APBB2: variants seen among roughly 807,000 people sequenced by gnomAD.
APBB2 encodes amyloid beta precursor protein binding family B member 2, also known as Fe65-like 1.
APBB2 carries 38 observed loss-of-function variants against 82.5 expected under a neutral mutation model. The observed-to-expected ratio is 0.46, with a 90% CI of 0.36 to 0.60. The LOEUF (loss-of-function observed/expected upper bound fraction) is 0.60, where lower values mean the gene tolerates loss of function less well. Ranked by LOEUF, APBB2 falls within the 20% of genes least tolerant of loss-of-function variation. The pLI is 0.00. For synonymous variants in APBB2, 341 were observed against 368.2 expected (o/e 0.93, Z 0.85); for missense variants, 772 against 972.3 (o/e 0.79, Z 2.74).
chr4:41,213,712 G>A, intron 1 of APBB2, among the ~76,000 whole-genome samples: 1 of 152,158 alleles, frequency 6.6e-6, no homozygotes, highest in Admixed American at 6.5e-5. Flanking sequence ...GGCAGCGCAG[G>A]GGCTTTCGGG....
chr4:41,014,436 T>G (rs371111882), intron 5 of APBB2, 38 bp from the exon 6 acceptor site: 2 of 1,558,388 alleles, frequency 1.3e-6, no homozygotes, highest in African/African-American at 2.7e-5. Context: ...CTGCCATGAT[T>G]AAACTACTTA....
chr4:41,132,937 A>C (rs187881822), intron 2 of APBB2, among the ~76,000 whole-genome samples: 26 of 152,346 alleles, frequency 1.7e-4, no homozygotes, highest in Admixed American at 3.3e-4. Flanking sequence ...TTTAAAGGAA[A>C]GAAAAATAAG....
At chr4:40,875,006 T>C (rs577827656) in intron 12 of APBB2, among the ~76,000 whole-genome samples, 2 of 152,308 alleles carry the variant, frequency 1.3e-5, no homozygotes, top group South Asian at 4.1e-4. Context: ...AGCTGTTGTG[T>C]GACATTTTTG....
At chr4:41,091,107 C>T (rs1741531997) in intron 3 of APBB2, among the ~76,000 whole-genome samples, 1 of 152,198 alleles carries the variant, frequency 6.6e-6, no homozygotes, top group African/African-American at 2.4e-5. Flanking sequence ...AACTCATCCC[C>T]CATCTATGAG....
In APBB2 at chr4:40,982,293, GGAAGGAAGGAAGGAAAGAAAGAAA is replaced by G. The variant is rs1798921094; in HGVS notation, c.835+31266_835+31289del. Reference sequence around the variant, plus strand: ...AAGAAAGAAAGAAAGAAGGAAGGAAGGAAGGAAGGAAGGAAAGAAAGAAAGAAAGAAAAGAAAGAAGGAAGGAAG... The same window carrying G: ...AAGAAAGAAAGAAAGAAGGAAGGAAGGAAAGAAAAGAAAGAAGGAAGGAAG... On this transcript the variant is annotated intron_variant, in intron 6 of 17. Transcript: ENST00000508593. Among the ~76,000 whole-genome samples the G allele has an allele frequency of 1.2e-4, 4 of 32,352 alleles. 1 individual carries two copies. Among genetic ancestry groups the G allele is most frequent in the Non-Finnish European group, 2.3e-4 (4 of 17,532 alleles). The allele number at this position is 32,352 out of a possible 152,430, so 21.2% of individuals were successfully genotyped here. A position where few individuals can be genotyped will look rare whatever the true frequency, so the allele number is the denominator to read the frequency against.
intron 1 of APBB2, among the ~76,000 whole-genome samples, chr4:41,190,241 ATTTTTTTTT>A (rs1160837303): frequency 3.8e-4 from 27 of 71,804 alleles, no homozygotes; most frequent in African/African-American, 9.7e-4. Flanking sequence ...TACATAGGCT[ATTTTTTTTT>A]TTTTTTTTTT....
chr4:41,026,830 T>C (rs766586334), intron 5 of APBB2, among the ~76,000 whole-genome samples: 1 of 152,232 alleles, frequency 6.6e-6, no homozygotes, highest in Non-Finnish European at 1.5e-5. Context: ...CCAATAGTCC[T>C]ACAGATAGCT....
At chr4:41,191,981 C>T (rs1353120374) in intron 1 of APBB2, among the ~76,000 whole-genome samples, 5 of 152,104 alleles carry the variant, frequency 3.3e-5, no homozygotes, top group Admixed American at 3.3e-4. Flanking sequence ...CCTGGATAGA[C>T]ATTTTTCCTA....
intron 15 of APBB2, 24 bp from the exon 16 acceptor site, chr4:40,823,783 A>C (rs778884165): frequency 6.6e-7 from 1 of 1,519,164 alleles, no homozygotes; most frequent in African/African-American, 1.4e-5. Context: ...AGGATAATTT[A>C]AAGTGTCCTA....
chr4:40,831,829 G>A (rs927288431), intron 12 of APBB2, among the ~76,000 whole-genome samples: 5 of 152,142 alleles, frequency 3.3e-5, no homozygotes, highest in African/African-American at 7.2e-5. Context: ...ACACCTTGGT[G>A]AGCATGCAGC....
intron 12 of APBB2, among the ~76,000 whole-genome samples, chr4:40,867,373 T>C (rs1224815547): frequency 1.3e-5 from 2 of 152,264 alleles, no homozygotes; most frequent in African/African-American, 4.8e-5. Flanking sequence ...GCATTTTTCA[T>C]ATCTATCATT....
intron 3 of APBB2, among the ~76,000 whole-genome samples, chr4:41,085,888 G>GA (rs1451047823): frequency 5.3e-5 from 8 of 151,932 alleles, no homozygotes; most frequent in Non-Finnish European, 1.0e-4. Flanking sequence ...CAACCTCCAA[G>GA]AAAAATCAAC....
chr4:40,816,245 C>G lies in APBB2; in HGVS notation c.2127G>C (p.Lys709Asn). The G allele has an allele frequency of 6.2e-7, 1 of 1,614,102 alleles. No individual in the cohort carries two copies. Among genetic ancestry groups the G allele is most frequent in the Non-Finnish European group, 8.5e-7 (1 of 1,179,984 alleles). The change falls in exon 18 of 18, where the codon AAG (lysine) becomes AAC (asparagine). Residue 709 changes from lysine (K) to asparagine (N), a missense_variant. Transcript: ENST00000508593. ...GAGAAGGCGGCCTGGCTACCAAGCA[C>G]TTCTGATATCGTAACTGAAATAAAA... The part of the protein sequence containing the change: ...VQAACMLRYQ[K>N]CLVARPPSQK...
chr4:41,019,819 G>A (rs1302346071), intron 5 of APBB2, among the ~76,000 whole-genome samples: 2 of 152,052 alleles, frequency 1.3e-5, no homozygotes, highest in Non-Finnish European at 2.9e-5. Flanking sequence ...GAAGGAGAGG[G>A]GAGAACAGCA....
At chr4:41,069,040 C>T (rs1436955898) in intron 3 of APBB2, among the ~76,000 whole-genome samples, 1 of 151,926 alleles carries the variant, frequency 6.6e-6, no homozygotes, top group Non-Finnish European at 1.5e-5. Context: ...GTGATCTGCC[C>T]GCCTCGGCCT....
At chr4:40,991,924 T>C (rs1042245526) in intron 6 of APBB2, among the ~76,000 whole-genome samples, 1 of 152,164 alleles carries the variant, frequency 6.6e-6, no homozygotes, top group African/African-American at 2.4e-5. Context: ...CAATTCTACC[T>C]GTGAGGGTGT....
At chr4:41,036,786 G>T (rs980517336) in intron 4 of APBB2, among the ~76,000 whole-genome samples, 6 of 152,156 alleles carry the variant, frequency 3.9e-5, no homozygotes, top group African/African-American at 1.4e-4. Context: ...TGGCCCTGGG[G>T]ATGAGGTACA....
intron 10 of APBB2, among the ~76,000 whole-genome samples, chr4:40,916,038 A>G (rs1024716870): frequency 2.6e-5 from 4 of 152,120 alleles, no homozygotes; most frequent in Admixed American, 2.6e-4. Context: ...ACCGACTGGA[A>G]CTCAGTGTGT....
intron 5 of APBB2, among the ~76,000 whole-genome samples, chr4:41,017,183 C>A (rs1320923054): frequency 1.3e-5 from 2 of 152,158 alleles, no homozygotes; most frequent in African/African-American, 2.4e-5. Flanking sequence ...AGGCGTGAAC[C>A]ACCAGGCCCA....
Sources: allele counts gnomAD v4.1 joint callset (sites outside exome capture counted in the v4.1 genomes callset), GRCh38; gene constraint gnomAD v4.1.1; transcripts MANE v1.5; gene names NCBI Gene and HGNC (gene_info 2026-07-23, HGNC 2026-07-21).